PPP4R4: variants seen among roughly 807,000 people sequenced by gnomAD.
PPP4R4 encodes protein phosphatase 4 regulatory subunit 4.
PPP4R4 carries 70 observed loss-of-function variants against 121.8 expected under a neutral mutation model. The observed-to-expected ratio is 0.57, with a 90% CI of 0.47 to 0.70. PPP4R4 has a LOEUF of 0.70. Among genes scored for constraint, PPP4R4 ranks in the 30% least tolerant of loss-of-function variants. PPP4R4 has a pLI of 0.00. For synonymous variants in PPP4R4, 348 were observed against 355.7 expected, an observed-to-expected ratio of 0.98 and a Z score of 0.24; for missense variants, 875 against 1,033.6, an observed-to-expected ratio of 0.85 and a Z score of 2.10.
At chr14:94,244,278 G>A (rs916649477) in intron 11 of PPP4R4, among the ~76,000 whole-genome samples, 1 of 152,176 alleles carries the variant, frequency 6.6e-6, no homozygotes, top group Non-Finnish European at 1.5e-5. Context: ...ATGAACACTT[G>A]TATGCCTAGG....
intron 2 of PPP4R4, among the ~76,000 whole-genome samples, chr14:94,185,257 G>A (rs1204457262): frequency 6.6e-6 from 1 of 152,204 alleles, no homozygotes; most frequent in East Asian, 1.9e-4. Flanking sequence ...TGTAATCCCA[G>A]CAGTTTGAGA....
rs186932998 is a variant in PPP4R4, at chr14:94,256,277, T to C, written c.1866-183T>C. Among the ~76,000 whole-genome samples the C allele has an allele frequency of 3.9e-5, 6 of 152,332 alleles. No homozygotes were observed. The East Asian group carries it at 1.2e-3, about 29-fold the overall frequency. ...CCAGGAGAGCAGAGAATTTTGTTGG[T>C]TTTATTTACTGTTGTATCTCAGCAT... On this transcript the variant is annotated intron_variant, in intron 16 of 24. Transcript: ENST00000304338.
intron 23 of PPP4R4, among the ~76,000 whole-genome samples, chr14:94,269,642 G>A (rs1013300090): frequency 6.6e-5 from 10 of 150,812 alleles, no homozygotes; most frequent in Non-Finnish European, 1.5e-4. Context: ...GAGAGAGAGC[G>A]AGACTCCATC....
chr14:94,202,564 T>C (rs966680014), intron 2 of PPP4R4, among the ~76,000 whole-genome samples: 2 of 152,214 alleles, frequency 1.3e-5, no homozygotes, highest in African/African-American at 4.8e-5. Flanking sequence ...GAAGTTCCCT[T>C]CTATTTGTAG....
At chr14:94,266,616 A>G (rs918769878) in intron 22 of PPP4R4, among the ~76,000 whole-genome samples, 2 of 152,108 alleles carry the variant, frequency 1.3e-5, no homozygotes, top group Non-Finnish European at 2.9e-5. Flanking sequence ...AGATCCATCA[A>G]GAGTACCTGG....
chr14:94,261,034 T>A (rs569827076), intron 19 of PPP4R4, among the ~76,000 whole-genome samples: 1 of 152,150 alleles, frequency 6.6e-6, no homozygotes, highest in Admixed American at 6.5e-5. Flanking sequence ...CCAGCACCAT[T>A]TGTTAAAAAG....
In PPP4R4 at chr14:94,250,251, A is replaced by G; in HGVS notation, c.1691A>G (p.His564Arg). The G allele has an allele frequency of 6.2e-7, 1 of 1,609,348 alleles. No homozygotes were observed. Among genetic ancestry groups the G allele is most frequent in the Admixed American group, 1.7e-5 (1 of 59,994 alleles). ...LRYNRKQEQR[H>R]EVIQKLIEQL... ...TATAATCGTAAACAAGAACAGAGAC[A>G]TGAGGTCATTCAAAAATTAATTGAA... The change falls in exon 15 of 25, where the codon CAT becomes CGT. Residue 564 changes from histidine (H) to arginine (R), a missense_variant. Transcript: ENST00000304338.
intron 19 of PPP4R4, among the ~76,000 whole-genome samples, chr14:94,264,158 T>C (rs1476640005): frequency 6.6e-6 from 1 of 152,186 alleles, no homozygotes; most frequent in Non-Finnish European, 1.5e-5. Context: ...TATTTATGTA[T>C]GTATATTTGA....
chr14:94,237,898 AC>A (rs1289448212), intron 8 of PPP4R4, among the ~76,000 whole-genome samples: 1 of 152,304 alleles, frequency 6.6e-6, no homozygotes, highest in African/African-American at 2.4e-5. Context: ...GTAACAGAAT[AC>A]CTGAGACCAG....
chr14:94,240,434 A>G (rs1394820426), intron 8 of PPP4R4, among the ~76,000 whole-genome samples: 1 of 152,144 alleles, frequency 6.6e-6, no homozygotes, highest in African/African-American at 2.4e-5. Flanking sequence ...TCTGTTCCCA[A>G]TGGCCTGCAG....
At chr14:94,211,467 A>G (rs915207548) in intron 3 of PPP4R4, among the ~76,000 whole-genome samples, 2 of 152,172 alleles carry the variant, frequency 1.3e-5, no homozygotes, top group Non-Finnish European at 2.9e-5. Flanking sequence ...AGAGAACGGT[A>G]ATTAGCCCTA....
intron 2 of PPP4R4, among the ~76,000 whole-genome samples, chr14:94,188,579 G>C (rs1483628359): frequency 2.6e-5 from 4 of 151,444 alleles, no homozygotes; most frequent in Admixed American, 1.3e-4. Flanking sequence ...ATATATATGT[G>C]TGTATACACA....
chr14:94,229,229 A>G (rs1323480116), intron 3 of PPP4R4, among the ~76,000 whole-genome samples: 3 of 152,146 alleles, frequency 2.0e-5, no homozygotes, highest in African/African-American at 7.2e-5. Flanking sequence ...TTGAGGCTGG[A>G]GAAGATGGTG....
Position 94,209,223 on chromosome 14 carries a change from A to T in PPP4R4, c.294+657A>T, listed in dbSNP as rs1192703377. On this transcript the variant is annotated intron_variant, in intron 3 of 24. Transcript: ENST00000304338. ...TTTCTTTATAAGAACTTGAATGAAT[A>T]AAACAGACACCAGTGTGTGTGTCCT... 2.6e-5 allele frequency among the ~76,000 whole-genome samples: 4 copies of T among 152,196 alleles called. No homozygotes were observed. In the East Asian group the frequency reaches 7.7e-4, roughly 29 times the overall value.
At position 94,278,777 on chromosome 14, in the gene PPP4R4, AAGAG is replaced by A; in HGVS notation, c.*138_*141del. 1 of 767,840 alleles carries A rather than the reference AAGAG, an allele frequency of 1.3e-6. No homozygotes were observed. Among genetic ancestry groups the A allele is most frequent in the South Asian group, 3.2e-5 (1 of 31,730 alleles). 47.6% of individuals were successfully genotyped at this position (767,840 alleles called of 1,614,324 possible). ...TTTTTTGTTGTTGTTAATGAGCAGA[AAGAG>A]AGACATAATGACAGCTGATGTTAAA... On this transcript the variant is annotated 3_prime_UTR_variant, in exon 25 of 25. Coordinates refer to ENST00000304338, the MANE Select transcript of PPP4R4 (RefSeq NM_058237.2).
chr14:94,208,353 A>C, intron 2 of PPP4R4, 111 bp from the exon 3 acceptor site: 1 of 647,594 alleles, frequency 1.5e-6, no homozygotes, highest in Non-Finnish European at 2.4e-6. Context: ...TAGAAGTCTG[A>C]GTGCTTAACA....
intron 2 of PPP4R4, among the ~76,000 whole-genome samples, chr14:94,182,479 T>C (rs1200309665): frequency 6.6e-6 from 1 of 152,206 alleles, no homozygotes; most frequent in Non-Finnish European, 1.5e-5. Flanking sequence ...TCTAACACTA[T>C]ACATTGATTT....
chr14:94,214,668 C>T (rs1890930974), intron 3 of PPP4R4, among the ~76,000 whole-genome samples: 3 of 152,060 alleles, frequency 2.0e-5, no homozygotes, highest in South Asian at 2.1e-4. Flanking sequence ...TTTATAAATA[C>T]ATTTGTAAAT....
At chr14:94,272,620 A>G (rs1172756891) in intron 23 of PPP4R4, among the ~76,000 whole-genome samples, 2 of 152,178 alleles carry the variant, frequency 1.3e-5, no homozygotes, top group African/African-American at 2.4e-5. Context: ...TACCATGTCA[A>G]AGGCGCAATC....
Sources: gnomAD v4.1 joint callset for allele counts (sites outside exome capture counted in the v4.1 genomes callset) on GRCh38, gnomAD v4.1.1 for gene constraint, MANE v1.5 for transcripts, NCBI Gene and HGNC (gene_info 2026-07-23, HGNC 2026-07-21) for gene names.